Variants in WDFY3 observed in about 807,000 individuals in gnomAD.
WDFY3 encodes the protein WD repeat and FYVE domain containing 3, also known as WD repeat and FYVE domain-containing protein 3.
In WDFY3, 66 loss-of-function variants were observed where a neutral mutation model predicts 409.6. The observed-to-expected ratio is 0.16, with a 90% confidence interval of 0.13 to 0.20. The LOEUF is 0.20. WDFY3 is among the 10% of genes least tolerant of loss of function. The pLI, the probability that WDFY3 is intolerant of heterozygous loss-of-function variation, is 1.00. For synonymous variants in WDFY3, 1,521 were observed against 1,537.1 expected, an observed-to-expected ratio of 0.99 and a Z score of 0.25; for missense variants, 3,031 against 4,298.1, an observed-to-expected ratio of 0.71 and a Z score of 8.24.
At chr4:84,907,206 C>A (rs753345706) in intron 2 of WDFY3, among the ~76,000 whole-genome samples, 2 of 152,108 alleles carry the variant, frequency 1.3e-5, no homozygotes, top group Non-Finnish European at 2.9e-5. Flanking sequence ...TTTTATGATG[C>A]TCCTCTTTTC....
At chr4:84,738,082 G>C (rs1737770287) in intron 40 of WDFY3, among the ~76,000 whole-genome samples, 1 of 152,116 alleles carries the variant, frequency 6.6e-6, no homozygotes, top group South Asian at 2.1e-4. Context: ...TGAAAGAACA[G>C]AGAATAAATT....
intron 32 of WDFY3, among the ~76,000 whole-genome samples, chr4:84,758,120 T>C (rs1741768715): frequency 6.6e-6 from 1 of 152,222 alleles, no homozygotes; most frequent in Admixed American, 6.5e-5. Flanking sequence ...ACCTCATACC[T>C]AGGGAAGTAC....
intron 3 of WDFY3, among the ~76,000 whole-genome samples, chr4:84,885,839 C>T (rs186357120): frequency 5.6e-4 from 86 of 152,234 alleles, no homozygotes; most frequent in Admixed American, 5.6e-3. Flanking sequence ...GGCAATTTTG[C>T]ATCGTTTGGA....
intron 33 of WDFY3, among the ~76,000 whole-genome samples, chr4:84,756,297 A>G (rs1741439143): frequency 6.6e-6 from 1 of 152,052 alleles, no homozygotes; most frequent in African/African-American, 2.4e-5. Flanking sequence ...AATCAATCAC[A>G]TGACAGGCTG....
At chr4:84,690,011 T>C (rs527769860) in intron 61 of WDFY3, among the ~76,000 whole-genome samples, 148 of 152,320 alleles carry the variant, frequency 9.7e-4, no homozygotes, top group African/African-American at 2.7e-3. Flanking sequence ...TAGAATCATG[T>C]ATGTAATAGA....
chr4:84,697,103 CAG>C (rs1257936039), intron 56 of WDFY3, among the ~76,000 whole-genome samples: 1 of 152,218 alleles, frequency 6.6e-6, no homozygotes, highest in African/African-American at 2.4e-5. Flanking sequence ...CTTCTTTCTG[CAG>C]AGTCTTGAGC....
In WDFY3 at chr4:84,810,226, G is replaced by C; in HGVS notation, c.2006C>G (p.Pro669Arg). The change falls in exon 14 of 68, where the codon CCC becomes CGC. Residue 669 changes from proline to arginine, a missense_variant. Pro to Arg is a moderately radical substitution (Grantham distance 103). Around this residue, in one of 16 missense-constraint regions of WDFY3, gnomAD observed 1,322 missense variants for 1,697.9 expected, o/e 0.78. Transcript: ENST00000295888. ...GTTCACTTTCTCCCAGCCATTCTTG[G>C]GTGGACAGCTCAAAGATCTTTCCAT... ...VAMERSLSCP[P>R]KNGWEKVNQN... is the part of the protein sequence containing the mutation. 1 of 1,614,044 alleles carries C rather than the reference G, an allele frequency of 6.2e-7. No homozygotes were observed. Among genetic ancestry groups the C allele is most frequent in the Non-Finnish European group, 8.5e-7 (1 of 1,180,004 alleles).
At chr4:84,817,618 T>C in intron 12 of WDFY3, 33 bp from the exon 13 acceptor site, 1 of 1,544,804 alleles carries the variant, frequency 6.5e-7, no homozygotes, top group Non-Finnish European at 8.8e-7. Flanking sequence ...CAACAATGGC[T>C]ACTTTAAAAT....
chr4:84,735,062 T>C lies in WDFY3; in HGVS notation c.6974A>G (p.Gln2325Arg), dbSNP rs1014859332. The C allele has an allele frequency of 3.1e-6, 5 of 1,612,918 alleles. No individual in the cohort carries two copies. The highest frequency in any genetic ancestry group is 3.4e-6 in the Non-Finnish European group (4 of 1,179,690). ...CCTTACCTCCTGATATTCTTTATAT[T>C]GTGTATCTACTAAGTCACGAACAAC... ...IAVVRDLVDTQYKEYQERQQN... is the reference protein window; with the variant it reads ...IAVVRDLVDTRYKEYQERQQN... Residue 2325 changes from glutamine (Q) to arginine (R), a missense_variant, in exon 43 of 68, where the codon CAA becomes CGA. Coordinates refer to ENST00000295888, the MANE Select transcript of WDFY3 (RefSeq NM_014991.6).
intron 13 of WDFY3, among the ~76,000 whole-genome samples, chr4:84,810,995 G>T (rs925400773): frequency 1.3e-5 from 2 of 152,078 alleles, no homozygotes; most frequent in East Asian, 3.9e-4. Flanking sequence ...CTTAGCTTAT[G>T]ATTTTTTTTC....
At chr4:84,747,941 T>C (rs1224599650) in intron 36 of WDFY3, among the ~76,000 whole-genome samples, 4 of 152,104 alleles carry the variant, frequency 2.6e-5, no homozygotes, top group African/African-American at 9.6e-5. Context: ...TTTTCCTTTA[T>C]GAAGACATAC....
At chr4:84,830,740 C>T (rs1481707496) in intron 8 of WDFY3, among the ~76,000 whole-genome samples, 2 of 152,118 alleles carry the variant, frequency 1.3e-5, no homozygotes, top group African/African-American at 2.4e-5. Context: ...TACCTAGTAA[C>T]TTATGCAATA....
chr4:84,897,803 C>T (rs1254923162), intron 2 of WDFY3, among the ~76,000 whole-genome samples: 1 of 152,152 alleles, frequency 6.6e-6, no homozygotes, highest in Non-Finnish European at 1.5e-5. Context: ...CAGGACAAAC[C>T]TATTCTGGAT....
chr4:84,760,152 G>A (rs1742278039), intron 32 of WDFY3, among the ~76,000 whole-genome samples: 1 of 151,862 alleles, frequency 6.6e-6, no homozygotes, highest in Admixed American at 6.6e-5. Flanking sequence ...CAGGGATGAA[G>A]CCCACCTGAT....
chr4:84,735,163 C>T, intron 42 of WDFY3, 43 bp from the exon 43 acceptor site: 1 of 1,553,706 alleles, frequency 6.4e-7, no homozygotes, highest in Non-Finnish European at 8.8e-7. Context: ...TCATGGATTT[C>T]TGGAAAAAAA....
chr4:84,794,609 C>T lies in WDFY3; in HGVS notation c.3397G>A (p.Glu1133Lys). 6.2e-7 allele frequency: 1 copy of T among 1,613,986 alleles called. No individual in the cohort carries two copies. Among genetic ancestry groups the T allele is most frequent in the Non-Finnish European group, 8.5e-7 (1 of 1,180,008 alleles). ...ATTGCAAGGCACACGTAATGTTGCT[C>T]AGAAGAATTTGCTCGGCGCACAACA... ...LTVVRRANSS[E>K]QHYVCLAIVL... is the part of the protein sequence containing the mutation. The change falls in exon 21 of 68, where the codon GAG (glutamate) becomes AAG (lysine). Residue 1133 changes from glutamate to lysine, a missense_variant. Transcript: ENST00000295888.
Position 84,696,517 on chromosome 4 carries a change from A to G in WDFY3, c.8688+215T>C, listed in dbSNP as rs139302674. ...TAACCTTTATCAGAGCTATATATGT[A>G]TAGGAAAATACATAGTTTATATATA... On this transcript the variant is annotated intron_variant, in intron 57 of 67. Transcript: ENST00000295888. Among the ~76,000 whole-genome samples, 229 of 152,290 alleles carry G rather than the reference A, an allele frequency of 1.5e-3. 1 individual carries two copies. Among genetic ancestry groups the G allele is most frequent in the African/African-American group, 5.0e-3 (209 of 41,546 alleles).
chr4:84,730,922 C>T (rs892921337), intron 44 of WDFY3, among the ~76,000 whole-genome samples: 6 of 152,022 alleles, frequency 3.9e-5, no homozygotes, highest in African/African-American at 1.2e-4. Flanking sequence ...CTCAGCCTCC[C>T]GAGTAGCTGG....
intron 3 of WDFY3, among the ~76,000 whole-genome samples, chr4:84,862,370 G>C (rs775063245): frequency 6.6e-6 from 1 of 152,208 alleles, no homozygotes; most frequent in Admixed American, 6.5e-5. Flanking sequence ...AAAGGGCTGG[G>C]GGGAGCATTT....
Sources: allele counts gnomAD v4.1 joint callset (sites outside exome capture counted in the v4.1 genomes callset), GRCh38; gene constraint gnomAD v4.1.1; regional missense constraint gnomAD v4.1.1; transcripts MANE v1.5; gene names NCBI Gene and HGNC (gene_info 2026-07-23, HGNC 2026-07-21).